The following KCNT2 variants were observed in gnomAD, a reference collection of about 807,000 sequenced individuals.
The protein encoded by KCNT2 is potassium sodium-activated channel subfamily T member 2, also known as potassium channel subfamily T member 2.
A neutral mutation model predicts 153.8 loss-of-function variants in KCNT2; 67 were observed. The ratio of observed to expected loss-of-function variants is 0.44; its 90% CI spans 0.36 to 0.53. The LOEUF is 0.53. Among genes scored for constraint, KCNT2 ranks in the 20% least tolerant of loss-of-function variants. KCNT2 has a pLI of 0.00. For missense variants in KCNT2, 975 were observed against 1,354.8 expected, an observed-to-expected ratio of 0.72 and a Z score of 4.40; for synonymous variants, 500 against 458.8, an observed-to-expected ratio of 1.09 and a Z score of -1.15.
intron 25 of KCNT2, among the ~76,000 whole-genome samples, chr1:196,265,074 C>A (rs535978325): frequency 6.6e-6 from 1 of 152,152 alleles, no homozygotes; most frequent in Non-Finnish European, 1.5e-5. Flanking sequence ...CCTTTCAATA[C>A]CCTCTTAGTG....
At chr1:196,283,351 G>A (rs1428634268) in intron 23 of KCNT2, among the ~76,000 whole-genome samples, 3 of 151,928 alleles carry the variant, frequency 2.0e-5, no homozygotes, top group Non-Finnish European at 4.4e-5. Context: ...TGAGAATGGC[G>A]TGAACCCCGG....
At chr1:196,380,462 T>A (rs988930467) in intron 13 of KCNT2, among the ~76,000 whole-genome samples, 1 of 152,222 alleles carries the variant, frequency 6.6e-6, no homozygotes, top group Non-Finnish European at 1.5e-5. Context: ...CATCACCTTA[T>A]ATTCTGAGCT....
intron 8 of KCNT2, among the ~76,000 whole-genome samples, chr1:196,462,729 G>C (rs1677258724): frequency 6.6e-6 from 1 of 151,692 alleles, no homozygotes; most frequent in African/African-American, 2.4e-5. Flanking sequence ...TTAATGATGT[G>C]TAAAAAAGTT....
intron 1 of KCNT2, among the ~76,000 whole-genome samples, chr1:196,553,680 A>T (rs1331781061): frequency 3.3e-5 from 5 of 151,282 alleles, no homozygotes; most frequent in African/African-American, 1.2e-4. Flanking sequence ...ATGGCTGCAC[A>T]ATATGCATTC....
rs116732314 is a variant in KCNT2, at chr1:196,528,498, G to A, written c.96-36157C>T. ...GGCATGAACTAACTTCTTATTTTCC[G>A]ATGATATCTAAGCCAAAGAAGGTGT... is the stretch of plus-strand genomic sequence containing the variant. On this transcript the variant is annotated intron_variant, in intron 1 of 27. Coordinates refer to ENST00000294725, the MANE Select transcript of KCNT2 (RefSeq NM_198503.5). 6.8e-4 allele frequency among the ~76,000 whole-genome samples: 104 copies of A among 152,168 alleles called. 1 individual carries two copies. Among genetic ancestry groups the A allele is most frequent in the African/African-American group, 2.4e-3 (101 of 41,528 alleles).
chr1:196,263,983 A>G (rs1408531745), intron 25 of KCNT2, among the ~76,000 whole-genome samples: 1 of 150,370 alleles, frequency 6.7e-6, no homozygotes, highest in Non-Finnish European at 1.5e-5. Context: ...TCTACTTTCT[A>G]CTTACACTTT....
intron 2 of KCNT2, among the ~76,000 whole-genome samples, chr1:196,490,169 T>A (rs978757412): frequency 6.6e-6 from 1 of 151,788 alleles, no homozygotes; most frequent in African/African-American, 2.4e-5. Flanking sequence ...AGAGTGCATA[T>A]TTTATAAAAA....
intron 21 of KCNT2, among the ~76,000 whole-genome samples, chr1:196,310,032 A>T (rs1415905028): frequency 6.6e-6 from 1 of 151,826 alleles, no homozygotes; most frequent in East Asian, 1.9e-4. Context: ...TTACTAACCA[A>T]TATAAAGATG....
At chr1:196,415,628 C>T (rs903198156) in intron 12 of KCNT2, among the ~76,000 whole-genome samples, 1 of 151,842 alleles carries the variant, frequency 6.6e-6, no homozygotes, top group South Asian at 2.1e-4. Context: ...AACCAAGTCC[C>T]TCAAAGTTTC....
At chr1:196,504,812 G>A (rs1168481989) in intron 1 of KCNT2, among the ~76,000 whole-genome samples, 1 of 152,154 alleles carries the variant, frequency 6.6e-6, no homozygotes, top group South Asian at 2.1e-4. Context: ...TTGTGGTTTT[G>A]ATTTGCATTT....
intron 1 of KCNT2, among the ~76,000 whole-genome samples, chr1:196,605,472 C>A (rs1665212640): frequency 6.6e-6 from 1 of 152,130 alleles, no homozygotes. Flanking sequence ...CAGTGACACT[C>A]CAGCTTGTTC....
intron 8 of KCNT2, among the ~76,000 whole-genome samples, chr1:196,460,592 A>G (rs1386582333): frequency 2.6e-5 from 4 of 151,760 alleles, no homozygotes; most frequent in Non-Finnish European, 4.4e-5. Context: ...TGATAATTAA[A>G]GAATCATTAT....
chr1:196,429,488 A>T (rs983812452), intron 9 of KCNT2, 89 bp downstream of exon 9: 2 of 795,996 alleles, frequency 2.5e-6, no homozygotes, highest in Non-Finnish European at 3.9e-6. Flanking sequence ...TGTTAGATAA[A>T]TAAGCCACTT....
At chr1:196,388,058 T>G (rs2148400079) in intron 13 of KCNT2, among the ~76,000 whole-genome samples, 1 of 151,830 alleles carries the variant, frequency 6.6e-6, no homozygotes, top group East Asian at 1.9e-4. Context: ...CTTTTTACAT[T>G]TAAGAGTATA....
At position 196,228,221 on chromosome 1, in the gene KCNT2, T is replaced by G. The variant is rs750099603; in HGVS notation, c.*3A>C. On this transcript the variant is annotated 3_prime_UTR_variant, in exon 28 of 28. Coordinates refer to ENST00000294725, the MANE Select transcript of KCNT2 (RefSeq NM_198503.5). ...AGGAAAAAAGTTTCTCATTTTATTT[T>G]TATCAAAGTTGAGTTTCCTCCCGAG... 6.3e-7 allele frequency: 1 copy of G among 1,579,066 alleles called. No homozygotes were observed.
At chr1:196,364,097 A>G (rs180808308) in intron 14 of KCNT2, among the ~76,000 whole-genome samples, 2 of 152,270 alleles carry the variant, frequency 1.3e-5, no homozygotes, top group Admixed American at 1.3e-4. Context: ...AATGAAAAAA[A>G]ATAAAATTCA....
chr1:196,571,588 C>T (rs1660780600), intron 1 of KCNT2, among the ~76,000 whole-genome samples: 1 of 152,118 alleles, frequency 6.6e-6, no homozygotes, highest in African/African-American at 2.4e-5. Context: ...TAGTTTACCT[C>T]TATTGTGGAA....
intron 13 of KCNT2, among the ~76,000 whole-genome samples, chr1:196,394,014 T>C (rs923502536): frequency 6.6e-6 from 1 of 151,470 alleles, no homozygotes; most frequent in African/African-American, 2.4e-5. Context: ...AGTCTCTCAC[T>C]GGAAAAAAAA....
At chr1:196,408,823 T>C (rs534028096) in intron 12 of KCNT2, among the ~76,000 whole-genome samples, 3 of 151,778 alleles carry the variant, frequency 2.0e-5, no homozygotes, top group South Asian at 4.1e-4. Flanking sequence ...GTTTCATGTG[T>C]ACTTGAAAAC....
Sources: allele counts gnomAD v4.1 joint callset (sites outside exome capture counted in the v4.1 genomes callset), GRCh38; gene constraint gnomAD v4.1.1; transcripts MANE v1.5; gene names NCBI Gene and HGNC (gene_info 2026-07-23, HGNC 2026-07-21).